Variants in SPG11 observed in about 807,000 individuals in gnomAD.
SPG11 encodes spatacsin.
Under a neutral mutation model 274.0 loss-of-function variants are expected in SPG11, and 222 were observed. That is an observed-to-expected ratio of 0.81 (90% CI 0.73 to 0.91). The LOEUF is 0.91. Ranked by LOEUF, SPG11 falls within the 40% of genes least tolerant of loss-of-function variation. The pLI, the probability that SPG11 is intolerant of heterozygous loss-of-function variation, is 0.00. For synonymous variants in SPG11, 1,144 were observed against 1,039.7 expected (o/e 1.10, Z -1.93); for missense variants, 3,114 against 2,872.7 (o/e 1.08, Z -1.92).
At chr15:44,587,634 T>G (rs1426663517) in intron 28 of SPG11, among the ~76,000 whole-genome samples, 1 of 139,392 alleles carries the variant, frequency 7.2e-6, no homozygotes, top group East Asian at 2.1e-4. Flanking sequence ...AGGTTGCAGT[T>G]GCAGTGAGCT....
rs932601756 is a variant in SPG11, at chr15:44,644,123, C to T, written c.1602+4743G>A. Among the ~76,000 whole-genome samples the T allele has an allele frequency of 6.7e-5, 10 of 150,248 alleles. No homozygotes were observed. In the East Asian group the frequency reaches 7.8e-4, roughly 12 times the overall value. On this transcript the variant is annotated intron_variant, in intron 7 of 39. Coordinates refer to ENST00000261866, the MANE Select transcript of SPG11 (RefSeq NM_025137.4). The stretch of plus-strand genomic sequence containing the variant: ...TGGAGCTTGCAGTGAGCCGAGATCG[C>T]GCCACTGCACTCCAGCCTGGGCAAC...
intron 24 of SPG11, 23 bp from the exon 25 acceptor site, chr15:44,596,378 A>G (rs1305880384): frequency 6.2e-7 from 1 of 1,613,784 alleles, no homozygotes; most frequent in African/African-American, 1.3e-5. Flanking sequence ...TCAGATGATT[A>G]AACAGAAACC....
chr15:44,563,385 C>G, intron 39 of SPG11, 84 bp from the exon 40 acceptor site: 3 of 1,324,126 alleles, frequency 2.3e-6, no homozygotes, highest in Non-Finnish European at 3.2e-6. Flanking sequence ...GTTGCCCAGG[C>G]TGGAGTGCAG....
At chr15:44,641,976 T>C (rs2084462608) in intron 7 of SPG11, among the ~76,000 whole-genome samples, 1 of 147,820 alleles carries the variant, frequency 6.8e-6, no homozygotes, top group Non-Finnish European at 1.5e-5. Flanking sequence ...AAAGACATAT[T>C]ATACAGTGGG....
chr15:44,644,912 A>C (rs1019119911), intron 7 of SPG11, among the ~76,000 whole-genome samples: 2 of 152,244 alleles, frequency 1.3e-5, no homozygotes. Context: ...CAATGCTGAA[A>C]GAAATCAGAG....
rs2082469681 is a variant in SPG11, at chr15:44,573,536, G to T, written c.6205+11C>A. ...GTCAGAGAGGTTGGGAATCCCCGGG[G>T]GGTAGGGCACCTGTTCCCTGTGATG... On this transcript the variant is annotated intron_variant, in intron 32 of 39. Transcript: ENST00000261866. 7 of 1,614,092 alleles carry T rather than the reference G, an allele frequency of 4.3e-6. No homozygotes were observed. Among genetic ancestry groups the T allele is most frequent in the Non-Finnish European group, 5.9e-6 (7 of 1,179,978 alleles).
chr15:44,643,892 G>A (rs988248622), intron 7 of SPG11, among the ~76,000 whole-genome samples: 3 of 151,914 alleles, frequency 2.0e-5, no homozygotes, highest in African/African-American at 7.3e-5. Context: ...GGCTGGGAGT[G>A]GTGGCTCACG....
intron 19 of SPG11, chr15:44,606,300 T>C: frequency 1.9e-6 from 1 of 516,046 alleles, no homozygotes; most frequent in South Asian, 2.1e-5. Context: ...GAACTGGCTA[T>C]GTTCCTTTTA....
At chr15:44,583,200 C>T (rs188480255) in intron 30 of SPG11, among the ~76,000 whole-genome samples, 97 of 152,250 alleles carry the variant, frequency 6.4e-4, no homozygotes, top group African/African-American at 2.0e-3. Flanking sequence ...GATTTCTGGC[C>T]GGGTGCGGTG....
chr15:44,648,786 A>G (rs997190553), intron 7 of SPG11, 80 bp downstream of exon 7: 16 of 1,490,428 alleles, frequency 1.1e-5, no homozygotes, highest in Non-Finnish European at 1.4e-5. Flanking sequence ...AATTAAATGA[A>G]TTCTCTCAAA....
chr15:44,596,480 T>C, intron 24 of SPG11, 125 bp from the exon 25 acceptor site: 1 of 1,115,128 alleles, frequency 9.0e-7, no homozygotes, highest in Non-Finnish European at 1.3e-6. Flanking sequence ...GAGTGACTAT[T>C]ATGTAATTTT....
intron 1 of SPG11, among the ~76,000 whole-genome samples, chr15:44,661,143 T>C (rs1266825047): frequency 6.6e-6 from 1 of 152,184 alleles, no homozygotes; most frequent in Non-Finnish European, 1.5e-5. Flanking sequence ...CAGTAGTCAA[T>C]AGCCACATGC....
In SPG11 at chr15:44,598,639, T is replaced by C. The variant is rs747199399; in HGVS notation, c.3884A>G (p.Glu1295Gly). 2 of 1,614,176 alleles carry C rather than the reference T, an allele frequency of 1.2e-6. No homozygotes were observed. Among genetic ancestry groups the C allele is most frequent in the Admixed American group, 3.3e-5 (2 of 60,032 alleles). Residue 1295 changes from glutamate (E) to glycine (G), a missense_variant, in exon 22 of 40, where the codon GAG (glutamate) becomes GGG (glycine). Transcript: ENST00000261866. ...NEDAQYSFIRESVAEKLSKLA... is the reference protein window; with the variant it reads ...NEDAQYSFIRGSVAEKLSKLA... ...GATAAAAGGTGCTGTACCTACAGAC[T>C]CTCTGATAAAGCTGTACTGAGCATC...
intron 32 of SPG11, chr15:44,573,260 C>T (rs967549024): frequency 2.6e-5 from 15 of 574,014 alleles, no homozygotes; most frequent in Admixed American, 1.8e-4. Flanking sequence ...GCTGGGATTA[C>T]AGGCGTGAGC....
chr15:44,569,638 GCT>G (rs2082377010), intron 34 of SPG11, 133 bp from the exon 35 acceptor site: 1 of 729,888 alleles, frequency 1.4e-6, no homozygotes, highest in Non-Finnish European at 2.4e-6. Context: ...AGGCTACCAT[GCT>G]TAGCTCCCTC....
intron 7 of SPG11, among the ~76,000 whole-genome samples, chr15:44,634,479 C>T (rs1287010913): frequency 1.4e-5 from 2 of 147,280 alleles, no homozygotes; most frequent in Non-Finnish European, 1.5e-5. Context: ...AGACGGGTTT[C>T]ACTGCGTTTG....
chr15:44,590,399 C>T (rs1005502574), intron 27 of SPG11: 1 of 152,148 alleles, frequency 6.6e-6, no homozygotes, highest in Admixed American at 6.6e-5. Context: ...AGGCTGATTT[C>T]AGAGGAGTGG....
intron 23 of SPG11, 167 bp from the exon 24 acceptor site, chr15:44,597,110 CTTTTTT>C (rs201600828): frequency 2.9e-4 from 99 of 345,504 alleles, no homozygotes; most frequent in Non-Finnish European, 4.1e-4. Flanking sequence ...AAAGTAGATT[CTTTTTT>C]TTTTTTTTTT....
chr15:44,612,421 T>A (rs994734547), intron 17 of SPG11, among the ~76,000 whole-genome samples: 1 of 152,164 alleles, frequency 6.6e-6, no homozygotes, highest in Non-Finnish European at 1.5e-5. Context: ...TAATTAATTA[T>A]TTTTTAAAAA....
Sources: gnomAD v4.1 joint callset for allele counts (sites outside exome capture counted in the v4.1 genomes callset) on GRCh38, gnomAD v4.1.1 for gene constraint, MANE v1.5 for transcripts, NCBI Gene and HGNC (gene_info 2026-07-23, HGNC 2026-07-21) for gene names.